The following BEGAIN variants were observed in gnomAD, a reference collection of about 807,000 sequenced individuals.
The protein encoded by BEGAIN is brain enriched guanylate kinase associated.
In BEGAIN, 19 loss-of-function variants were observed where a neutral mutation model predicts 35.8. The observed-to-expected ratio is 0.53, with a 90% CI of 0.37 to 0.78. The LOEUF (loss-of-function observed/expected upper bound fraction) is 0.78. BEGAIN is among the 30% of genes least tolerant of loss of function. BEGAIN has a pLI of 0.00. For missense variants in BEGAIN, 795 were observed against 853.6 expected (o/e 0.93, Z 0.85); for synonymous variants, 462 against 388.6 (o/e 1.19, Z -2.22).
intron 1 of BEGAIN, among the ~76,000 whole-genome samples, chr14:100,580,409 C>A (rs568907862): frequency 6.6e-6 from 1 of 152,190 alleles, no homozygotes; most frequent in African/African-American, 2.4e-5. Context: ...TTGCTGGTGT[C>A]TTCTCTCTCT....
intron 1 of BEGAIN, chr14:100,578,023 G>A: frequency 2.5e-6 from 1 of 398,794 alleles, no homozygotes; most frequent in Non-Finnish European, 4.4e-6. Context: ...CCATGGGGCT[G>A]GGATCCCTGT....
chr14:100,546,655 G>A lies in BEGAIN; in HGVS notation c.79C>T (p.Gln27Ter). 6.4e-7 allele frequency: 1 copy of A among 1,564,726 alleles called. No individual in the cohort carries two copies. The highest frequency in any genetic ancestry group is 1.2e-5 in the South Asian group (1 of 86,648). The change falls in exon 3 of 7, where the codon CAG becomes TAG. Residue 27 changes from glutamine (Q) to a stop codon, truncating the protein, a stop_gained. Coordinates refer to ENST00000554140, the MANE Select transcript of BEGAIN (RefSeq NM_001385089.1). LOFTEE classifies it high-confidence loss of function. Reference sequence around the variant, plus strand: ...TTGCGCAGCTCGCCCTTCTGCTCCTGCAGCGCGCTGCAACGACATGGCGGC... The same window carrying A: ...TTGCGCAGCTCGCCCTTCTGCTCCTACAGCGCGCTGCAACGACATGGCGGC... Reference protein sequence around the residue: ...AADMEKLSALQEQKGELRKRL... With the variant: ...AADMEKLSAL
At chr14:100,578,017 G>A (rs1342031990) in intron 1 of BEGAIN, 1 of 398,788 alleles carries the variant, frequency 2.5e-6, no homozygotes, top group Admixed American at 4.4e-5. Flanking sequence ...CTCCTCCCAT[G>A]GGGCTGGGAT....
chr14:100,555,711 C>T (rs535798832), intron 2 of BEGAIN, among the ~76,000 whole-genome samples: 2 of 152,314 alleles, frequency 1.3e-5, no homozygotes, highest in African/African-American at 2.4e-5. Context: ...GCGTGTCTCC[C>T]GCACAGCGAG....
intron 1 of BEGAIN, chr14:100,577,808 G>A (rs2035233904): frequency 5.0e-6 from 2 of 399,160 alleles, no homozygotes; most frequent in African/African-American, 2.1e-5. Flanking sequence ...CCTTGGCTGG[G>A]GCTTGGCATG....
intron 2 of BEGAIN, chr14:100,550,505 G>T (rs569491618): frequency 2.3e-5 from 9 of 399,002 alleles, no homozygotes; most frequent in African/African-American, 1.0e-4. Flanking sequence ...CAGGGGCTGC[G>T]CAGCCTGTGG....
intron 2 of BEGAIN, among the ~76,000 whole-genome samples, chr14:100,557,571 T>C (rs1484268141): frequency 6.6e-6 from 1 of 152,112 alleles, no homozygotes; most frequent in Non-Finnish European, 1.5e-5. Flanking sequence ...TTGCCCTCAC[T>C]TGGCAGCCAG....
intron 1 of BEGAIN, among the ~76,000 whole-genome samples, chr14:100,570,295 A>G (rs2035037533): frequency 6.6e-6 from 1 of 152,240 alleles, no homozygotes; most frequent in Admixed American, 6.5e-5. Flanking sequence ...GGGGAAAGGC[A>G]GGGGAGGTTG....
intron 4 of BEGAIN, among the ~76,000 whole-genome samples, 192 bp from the exon 5 acceptor site, chr14:100,544,157 C>A (rs1455874277): frequency 6.6e-6 from 1 of 152,184 alleles, no homozygotes. Context: ...CCAAGCCACA[C>A]AGCCTTGGGG....
At chr14:100,550,052 C>T (rs1459818380) in intron 2 of BEGAIN, among the ~76,000 whole-genome samples, 2 of 152,200 alleles carry the variant, frequency 1.3e-5, no homozygotes, top group Non-Finnish European at 2.9e-5. Flanking sequence ...TGTGTGTGCA[C>T]GTGTGCGTGT....
intron 2 of BEGAIN, among the ~76,000 whole-genome samples, chr14:100,552,331 C>A (rs984589143): frequency 6.6e-6 from 1 of 152,166 alleles, no homozygotes; most frequent in African/African-American, 2.4e-5. Flanking sequence ...CACTGGTGAC[C>A]CGCTCTGGTT....
rs369397759 is a variant in BEGAIN at position 100,539,226 on chromosome 14, G to A, written c.582C>T (p.Ala194=). 13 of 1,587,422 alleles carry A rather than the reference G, an allele frequency of 8.2e-6. No homozygotes were observed. The highest frequency in any genetic ancestry group is 1.7e-5 in the Admixed American group (1 of 57,420). ...CAATGACGCAGGTGGGGACGCTGTC[G>A]GCGTAGGCCGGGTGGCAGAGCGGGG... The part of the protein sequence containing the change: ...LPSPLCHPAY[A]DSVPTCVIAK... The change falls in exon 7 of 7, where the codon GCC becomes GCT. Residue 194 remains alanine, a synonymous_variant. Coordinates refer to ENST00000554140, the MANE Select transcript of BEGAIN (RefSeq NM_001385089.1).
chr14:100,556,119 G>C lies in BEGAIN; in HGVS notation c.72-9457C>G, dbSNP rs932583353. On this transcript the variant is annotated intron_variant, in intron 2 of 6. Coordinates refer to ENST00000554140, the MANE Select transcript of BEGAIN (RefSeq NM_001385089.1). ...TTTGGTCATCACCAGCTCAATTGGG[G>C]CCACCCTGACGGTGTGGATTTGGGC... 1.4e-4 allele frequency among the ~76,000 whole-genome samples: 22 copies of C among 152,242 alleles called. 2 individuals are homozygous for C. The East Asian group carries it at 2.5e-3, about 17-fold the overall frequency.
Position 100,558,454 on chromosome 14 carries a change from G to A in BEGAIN, c.71+9457C>T, listed in dbSNP as rs545112329. On this transcript the variant is annotated intron_variant, in intron 2 of 6. Transcript: ENST00000554140. This position sits in a 1 kb window ranked among gnomAD's most constrained non-coding sequence, Gnocchi z 4.6. Reference sequence around the variant, plus strand: ...TGGCCTCCTGGCACCAGCGTGTCCCGGGGATCTGGCCTCCGGCATCTCCTT... The same window carrying A: ...TGGCCTCCTGGCACCAGCGTGTCCCAGGGATCTGGCCTCCGGCATCTCCTT... 3.9e-5 allele frequency among the ~76,000 whole-genome samples: 6 copies of A among 152,208 alleles called. No homozygotes were observed. The highest frequency in any genetic ancestry group is 6.5e-5 in the Admixed American group (1 of 15,290).
intron 1 of BEGAIN, chr14:100,577,903 G>A (rs1322305324): frequency 7.5e-6 from 3 of 399,084 alleles, no homozygotes; most frequent in African/African-American, 6.2e-5. Context: ...GTCCTGCCTG[G>A]GACAGGTAGG....
chr14:100,567,817 G>C lies in BEGAIN; in HGVS notation c.71+94C>G, dbSNP rs2034834489. The C allele has an allele frequency of 1.5e-6, 2 of 1,307,696 alleles. No homozygotes were observed. The highest frequency in any genetic ancestry group is 1.0e-6 in the Non-Finnish European group (1 of 989,522). 81.0% of individuals were successfully genotyped at this position (1,307,696 alleles called of 1,614,324 possible). ...AGGCCGCCCGCGGGCCCTGGGGGATGCGCTCGGGTGGAGCCCCCTTCCCCC... is the reference window on the plus strand; with the variant it reads ...AGGCCGCCCGCGGGCCCTGGGGGATCCGCTCGGGTGGAGCCCCCTTCCCCC... On this transcript the variant is annotated intron_variant, in intron 2 of 6. Transcript: ENST00000554140. The surrounding 1 kb of genome is among the most constrained non-coding windows in gnomAD (Gnocchi z 5.1).
chr14:100,553,302 G>A (rs2033386431), intron 2 of BEGAIN, among the ~76,000 whole-genome samples: 1 of 152,004 alleles, frequency 6.6e-6, no homozygotes, highest in Admixed American at 6.6e-5. Context: ...CACAATTGCC[G>A]CCATCCTACA....
chr14:100,571,066 C>A (rs769471485), intron 1 of BEGAIN, among the ~76,000 whole-genome samples: 7 of 152,156 alleles, frequency 4.6e-5, no homozygotes, highest in Non-Finnish European at 1.0e-4. Flanking sequence ...ACACTGGGTG[C>A]CCTCGGGGGA....
Position 100,566,667 on chromosome 14 carries a change from C to T in BEGAIN, c.71+1244G>A, listed in dbSNP as rs536039803. On this transcript the variant is annotated intron_variant, in intron 2 of 6. Transcript: ENST00000554140. Reference sequence around the variant, plus strand: ...GTCGCTCTTTGGGCCTCACCGCCCCCACCTGGACCTTGGCCACGACAAGGT... The same window carrying T: ...GTCGCTCTTTGGGCCTCACCGCCCCTACCTGGACCTTGGCCACGACAAGGT... Among the ~76,000 whole-genome samples the T allele has an allele frequency of 3.3e-5, 5 of 152,330 alleles. No individual in the cohort carries two copies. In the South Asian group the frequency reaches 1.0e-3, roughly 32 times the overall value.
Sources: allele counts gnomAD v4.1 joint callset (sites outside exome capture counted in the v4.1 genomes callset), GRCh38; gene constraint gnomAD v4.1.1; non-coding constraint Gnocchi (gnomAD v3.1); transcripts MANE v1.5; gene names NCBI Gene and HGNC (gene_info 2026-07-23, HGNC 2026-07-21).